RBKS: variants seen among roughly 807,000 people sequenced by gnomAD.
RBKS encodes ribokinase.
Under a neutral mutation model 33.9 loss-of-function variants are expected in RBKS, and 33 were observed. The ratio of observed to expected loss-of-function variants is 0.97; its 90% CI spans 0.74 to 1.30. The LOEUF (loss-of-function observed/expected upper bound fraction) is 1.30, where lower values mean the gene tolerates loss of function less well. RBKS is among the 50% of genes most tolerant of loss of function. The pLI, the probability that RBKS is intolerant of heterozygous loss-of-function variation, is 0.00. For synonymous variants in RBKS, 125 were observed against 143.0 expected (o/e 0.87, Z 0.90); for missense variants, 361 against 392.6 (o/e 0.92, Z 0.68).
chr2:27,838,295 C>T (rs1232431784), intron 5 of RBKS, among the ~76,000 whole-genome samples: 1 of 152,090 alleles, frequency 6.6e-6, no homozygotes, highest in Non-Finnish European at 1.5e-5. Flanking sequence ...AGACTGGCCA[C>T]ATGTTGGTAA....
intron 1 of RBKS, among the ~76,000 whole-genome samples, chr2:27,878,063 G>A (rs935911852): frequency 1.3e-5 from 2 of 150,262 alleles, no homozygotes; most frequent in East Asian, 1.9e-4. Context: ...TAAGTTTTAC[G>A]GTACATGTGC....
chr2:27,826,223 A>G (rs1385106745), intron 7 of RBKS, among the ~76,000 whole-genome samples: 1 of 152,196 alleles, frequency 6.6e-6, no homozygotes, highest in African/African-American at 2.4e-5. Context: ...AAACTTCATC[A>G]GATCCCCTCA....
intron 1 of RBKS, among the ~76,000 whole-genome samples, chr2:27,882,392 A>T (rs1664436004): frequency 6.6e-6 from 1 of 152,248 alleles, no homozygotes; most frequent in South Asian, 2.1e-4. Context: ...ATCTCATACC[A>T]GTCAGAATGA....
At chr2:27,793,218 C>A (rs1422543966) in intron 7 of RBKS, among the ~76,000 whole-genome samples, 1 of 152,156 alleles carries the variant, frequency 6.6e-6, no homozygotes, top group Non-Finnish European at 1.5e-5. Context: ...TAAAAAGTCA[C>A]TATTCTGCAA....
At chr2:27,887,329 C>A (rs895640024) in intron 1 of RBKS, among the ~76,000 whole-genome samples, 1 of 152,174 alleles carries the variant, frequency 6.6e-6, no homozygotes, top group Non-Finnish European at 1.5e-5. Context: ...CAGAATGGAG[C>A]CCAGCCCTGC....
intron 1 of RBKS, chr2:27,861,534 CCTG>C: frequency 2.1e-6 from 1 of 471,100 alleles, no homozygotes; most frequent in African/African-American, 2.0e-5. Flanking sequence ...ATCACTGTGT[CCTG>C]ATGTATCTCC....
intron 7 of RBKS, among the ~76,000 whole-genome samples, chr2:27,819,192 C>T (rs4666018): frequency 0.27 from 40,618 of 151,838 alleles, 6,343 homozygotes; most frequent in East Asian, 0.63. Flanking sequence ...GATCAAGGTA[C>T]TGGCAAAGTA....
chr2:27,786,792 AAAAGAAAG>A (rs755448954), intron 7 of RBKS, among the ~76,000 whole-genome samples: 5 of 144,290 alleles, frequency 3.5e-5, no homozygotes, highest in African/African-American at 1.1e-4. Flanking sequence ...AAAAAAAAAA[AAAAGAAAG>A]AAAGTTTAAA....
At position 27,837,061 on chromosome 2, in the gene RBKS, C is replaced by T. The variant is rs996238419; in HGVS notation, c.515-4284G>A. Among the ~76,000 whole-genome samples, 3 of 151,968 alleles carry T rather than the reference C, an allele frequency of 2.0e-5. No individual in the cohort carries two copies. Among genetic ancestry groups the T allele is most frequent in the Admixed American group, 6.5e-5 (1 of 15,272 alleles). ...GCCGAGGCAGGCAGATCACGAGGAT[C>T]GGGAGATTAAGATCATCCTGGCTAA... On this transcript the variant is annotated intron_variant, in intron 5 of 7. Transcript: ENST00000302188. The surrounding 1 kb of genome is among the most constrained non-coding windows in gnomAD (Gnocchi z 4.0).
chr2:27,877,094 G>A (rs1263620599), intron 1 of RBKS, among the ~76,000 whole-genome samples: 1 of 152,020 alleles, frequency 6.6e-6, no homozygotes, highest in Non-Finnish European at 1.5e-5. Flanking sequence ...ATTAGCTGGG[G>A]GAAAATCAGT....
chr2:27,822,391 G>C lies in RBKS; in HGVS notation c.795+5176C>G, dbSNP rs190224409. Reference sequence around the variant, plus strand: ...CCAAGTTGGGAATGATGGCCCCTCAGATGCTAGGTTTTCAAAGATTGAACT... The same window carrying C: ...CCAAGTTGGGAATGATGGCCCCTCACATGCTAGGTTTTCAAAGATTGAACT... On this transcript the variant is annotated intron_variant, in intron 7 of 7. Coordinates refer to ENST00000302188, the MANE Select transcript of RBKS (RefSeq NM_022128.3). Among the ~76,000 whole-genome samples the C allele has an allele frequency of 9.8e-4, 150 of 152,318 alleles. 1 individual carries two copies. Among genetic ancestry groups the C allele is most frequent in the Non-Finnish European group, 1.5e-3 (102 of 68,038 alleles).
chr2:27,804,698 A>C (rs556037555), intron 7 of RBKS, among the ~76,000 whole-genome samples: 4 of 152,312 alleles, frequency 2.6e-5, no homozygotes, highest in Middle Eastern at 3.4e-3. Flanking sequence ...GTGTTCATTA[A>C]AGAGTTTGTA....
At chr2:27,889,653 TTTATG>T (rs1232981360) in intron 1 of RBKS, among the ~76,000 whole-genome samples, 1 of 152,220 alleles carries the variant, frequency 6.6e-6, no homozygotes, top group African/African-American at 2.4e-5. Context: ...AAATACTGTG[TTTATG>T]TTTTTATTTT....
chr2:27,802,959 G>A (rs1677829742), intron 7 of RBKS, among the ~76,000 whole-genome samples: 1 of 152,182 alleles, frequency 6.6e-6, no homozygotes, highest in African/African-American at 2.4e-5. Flanking sequence ...TAGTTCCACA[G>A]CTCAAATCTG....
intron 7 of RBKS, among the ~76,000 whole-genome samples, chr2:27,819,494 C>T (rs1051701027): frequency 1.3e-5 from 2 of 152,160 alleles, no homozygotes; most frequent in Admixed American, 6.5e-5. Flanking sequence ...CTTTCATGAA[C>T]CATTCCATCC....
intron 7 of RBKS, among the ~76,000 whole-genome samples, chr2:27,800,049 C>CTTTT (rs35932747): frequency 4.4e-5 from 5 of 112,368 alleles, no homozygotes; most frequent in Non-Finnish European, 8.9e-5. Context: ...TGTTAGGTGT[C>CTTTT]TTTTTTTTTT....
At chr2:27,799,611 T>TA (rs1306527856) in intron 7 of RBKS, among the ~76,000 whole-genome samples, 1 of 152,178 alleles carries the variant, frequency 6.6e-6, no homozygotes, top group Non-Finnish European at 1.5e-5. Flanking sequence ...CATTATTTCT[T>TA]AAAAAAGAAT....
At chr2:27,821,209 T>C (rs1678198378) in intron 7 of RBKS, among the ~76,000 whole-genome samples, 1 of 152,174 alleles carries the variant, frequency 6.6e-6, no homozygotes, top group Non-Finnish European at 1.5e-5. Context: ...TTATGGGTAA[T>C]AAAGAGGACC....
intron 1 of RBKS, among the ~76,000 whole-genome samples, chr2:27,868,219 T>C (rs1664137014): frequency 6.6e-6 from 1 of 152,230 alleles, no homozygotes. Context: ...CAAAATAATG[T>C]AATCTGGAAT....
Sources: gnomAD v4.1 joint callset for allele counts (sites outside exome capture counted in the v4.1 genomes callset) on GRCh38, gnomAD v4.1.1 for gene constraint, Gnocchi (gnomAD v3.1) non-coding constraint, MANE v1.5 for transcripts, NCBI Gene and HGNC (gene_info 2026-07-23, HGNC 2026-07-21) for gene names.